Variants in ZNF516 observed in about 807,000 individuals in gnomAD.
The protein encoded by ZNF516 is zinc finger protein 516.
In ZNF516, 19 loss-of-function variants were observed where a neutral mutation model predicts 79.7. The ratio of observed to expected loss-of-function variants is 0.24; its 90% CI spans 0.17 to 0.35. ZNF516 has a LOEUF of 0.35. ZNF516 is among the 10% of genes least tolerant of loss of function. ZNF516 has a pLI of 1.00. For synonymous variants in ZNF516, 877 were observed against 739.5 expected (o/e 1.19, Z -3.02); for missense variants, 1,678 against 1,679.5 (o/e 1.00, Z 0.02).
At chr18:76,458,607 C>CA in intron 2 of ZNF516, among the ~76,000 whole-genome samples, 1 of 152,276 alleles carries the variant, frequency 6.6e-6, no homozygotes, top group East Asian at 1.9e-4. Flanking sequence ...GCACTGTGGG[C>CA]AACGCCAGGC....
chr18:76,463,578 G>T (rs1015178780), intron 1 of ZNF516, among the ~76,000 whole-genome samples: 1 of 152,220 alleles, frequency 6.6e-6, no homozygotes. Context: ...CCAGGCCCCT[G>T]GGTGGCTCTC....
chr18:76,370,947 C>T (rs2074693647), intron 5 of ZNF516, among the ~76,000 whole-genome samples: 1 of 152,176 alleles, frequency 6.6e-6, no homozygotes, highest in Non-Finnish European at 1.5e-5. Flanking sequence ...GATAGAGAAC[C>T]CCGTCTCCCT....
chr18:76,488,102 A>G (rs2145819641), intron 1 of ZNF516: 2 of 984,978 alleles, frequency 2.0e-6, no homozygotes, highest in African/African-American at 1.7e-5. Flanking sequence ...GGTGCCTCTC[A>G]TACACGGGGA....
At chr18:76,382,919 G>A (rs893772328) in intron 3 of ZNF516, among the ~76,000 whole-genome samples, 3 of 151,434 alleles carry the variant, frequency 2.0e-5, no homozygotes, top group African/African-American at 4.9e-5. Flanking sequence ...GGTGGCATGC[G>A]CCTCTAATCC....
At position 76,379,832 on chromosome 18, in the gene ZNF516, G is replaced by A. The variant is rs775212938; in HGVS notation, c.2282C>T (p.Pro761Leu). 6 of 1,613,818 alleles carry A rather than the reference G, an allele frequency of 3.7e-6. No individual in the cohort carries two copies. Among genetic ancestry groups the A allele is most frequent in the East Asian group, 2.2e-5 (1 of 44,866 alleles). Residue 761 changes from proline (P) to leucine (L), a missense_variant, in exon 4 of 7, where the codon CCG becomes CTG. Pro to Leu is a moderately conservative substitution (Grantham distance 98). Around this residue, in one of 5 missense-constraint regions of ZNF516, gnomAD observed 1,294 missense variants for 1,248.3 expected, o/e 1.04. Coordinates refer to ENST00000443185, the MANE Select transcript of ZNF516 (RefSeq NM_014643.4). Reference sequence around the variant, plus strand: ...GGTCTTGTGGCTGCAGTAAGGACACGGGTGAACGACTAAAGCCGCCTGCAG... The same window carrying A: ...GGTCTTGTGGCTGCAGTAAGGACACAGGTGAACGACTAAAGCCGCCTGCAG... ...SSLQAALVVH[P>L]CPYCSHKTYY... is the part of the protein sequence containing the mutation.
intron 1 of ZNF516, among the ~76,000 whole-genome samples, chr18:76,489,418 T>C (rs1289473663): frequency 6.6e-6 from 1 of 152,170 alleles, no homozygotes; most frequent in Non-Finnish European, 1.5e-5. Context: ...TCACATCAAA[T>C]GCTTCACTTA....
chr18:76,426,523 T>C (rs1049233160), intron 3 of ZNF516, among the ~76,000 whole-genome samples: 9 of 146,760 alleles, frequency 6.1e-5, no homozygotes, highest in Non-Finnish European at 1.4e-4. Flanking sequence ...GCATGGGACA[T>C]ACATAAACTT....
At chr18:76,371,287 C>A (rs540253555) in intron 5 of ZNF516, among the ~76,000 whole-genome samples, 180 bp downstream of exon 5, 1 of 152,308 alleles carries the variant, frequency 6.6e-6, no homozygotes, top group East Asian at 1.9e-4. Context: ...CAAAAAAACC[C>A]ATTTCAGGTG....
At chr18:76,448,034 A>T (rs1203297385) in intron 2 of ZNF516, among the ~76,000 whole-genome samples, 1 of 152,230 alleles carries the variant, frequency 6.6e-6, no homozygotes, top group Non-Finnish European at 1.5e-5. Flanking sequence ...CATTTATTAA[A>T]AAACAGGAAG....
intron 2 of ZNF516, among the ~76,000 whole-genome samples, chr18:76,462,424 G>A (rs942107154): frequency 2.6e-5 from 4 of 152,128 alleles, no homozygotes; most frequent in African/African-American, 7.2e-5. Flanking sequence ...TAGAAACATC[G>A]CCGTCAGGGC....
intron 3 of ZNF516, among the ~76,000 whole-genome samples, chr18:76,401,775 T>TCCA (rs368001428): frequency 0.038 from 102 of 2,710 alleles, 4 homozygotes; most frequent in Non-Finnish European, 0.039. Flanking sequence ...GCTCCATCTC[T>TCCA]CCACCAACCA....
At chr18:76,396,669 A>C (rs2075150376) in intron 3 of ZNF516, among the ~76,000 whole-genome samples, 1 of 152,184 alleles carries the variant, frequency 6.6e-6, no homozygotes, top group Admixed American at 6.5e-5. Context: ...AAAATGCCAG[A>C]GACTAAGACA....
intron 3 of ZNF516, among the ~76,000 whole-genome samples, chr18:76,400,328 G>A (rs2075201918): frequency 6.6e-6 from 1 of 152,170 alleles, no homozygotes; most frequent in Non-Finnish European, 1.5e-5. Flanking sequence ...TACAATTATT[G>A]TCATTCTTTG....
At chr18:76,485,163 G>A (rs1451355071) in intron 1 of ZNF516, among the ~76,000 whole-genome samples, 1 of 152,152 alleles carries the variant, frequency 6.6e-6, no homozygotes, top group Admixed American at 6.5e-5. Context: ...GGGTTGCACT[G>A]CACTCAACAC....
At chr18:76,464,843 T>G (rs536833413) in intron 1 of ZNF516, among the ~76,000 whole-genome samples, 1 of 152,244 alleles carries the variant, frequency 6.6e-6, no homozygotes, top group Non-Finnish European at 1.5e-5. Context: ...AGGCATCTTT[T>G]GAAGGGTGGG....
intron 3 of ZNF516, among the ~76,000 whole-genome samples, chr18:76,432,136 G>C (rs75126382): frequency 0.018 from 2,679 of 152,370 alleles, 75 homozygotes; most frequent in African/African-American, 0.059. Flanking sequence ...GATCTATCTA[G>C]AGATCCTCAA....
At position 76,442,959 on chromosome 18, in the gene ZNF516, G is replaced by A. The variant is rs368754593; in HGVS notation, c.96C>T (p.Thr32=). 2.5e-5 allele frequency: 40 copies of A among 1,608,668 alleles called. No homozygotes were observed. The highest frequency in any genetic ancestry group is 3.3e-5 in the Non-Finnish European group (39 of 1,179,782). The change falls in exon 3 of 7, where the codon ACC becomes ACT. Residue 32 remains threonine (T), a synonymous_variant. Transcript: ENST00000443185. ...RGHEVDGDKA[T]CHTCCICGKS... ...TGCCGCAGATGCAGCAGGTGTGGCAGGTAGCCTTGTCCCCATCCACCTCGT... is the reference window on the plus strand; with the variant it reads ...TGCCGCAGATGCAGCAGGTGTGGCAAGTAGCCTTGTCCCCATCCACCTCGT...
chr18:76,478,698 G>T (rs901384228), intron 1 of ZNF516, among the ~76,000 whole-genome samples: 1 of 152,162 alleles, frequency 6.6e-6, no homozygotes, highest in Non-Finnish European at 1.5e-5. Context: ...CACACTTTCA[G>T]TACACTCTCA....
chr18:76,415,804 T>C (rs1257504656), intron 3 of ZNF516, among the ~76,000 whole-genome samples: 2 of 152,148 alleles, frequency 1.3e-5, no homozygotes, highest in Non-Finnish European at 1.5e-5. Flanking sequence ...TCAGGATAAG[T>C]CTGCACCACT....
Sources: gnomAD v4.1 joint callset for allele counts (sites outside exome capture counted in the v4.1 genomes callset) on GRCh38, gnomAD v4.1.1 for gene constraint, gnomAD v4.1.1 regional missense constraint, MANE v1.5 for transcripts, NCBI Gene and HGNC (gene_info 2026-07-23, HGNC 2026-07-21) for gene names.